The following GALNT10 variants were observed in gnomAD, a reference collection of about 807,000 sequenced individuals.
GALNT10 encodes the protein GalNAc transferase 10.
Under a neutral mutation model 75.0 loss-of-function variants are expected in GALNT10, and 41 were observed. The observed-to-expected ratio is 0.55, with a 90% CI of 0.43 to 0.71. The LOEUF is 0.71. Ranked by LOEUF, GALNT10 falls within the 30% of genes least tolerant of loss-of-function variation. The pLI, the probability that GALNT10 is intolerant of heterozygous loss-of-function variation, is 0.00. For missense variants in GALNT10, 727 were observed against 818.5 expected, an observed-to-expected ratio of 0.89 and a Z score of 1.36; for synonymous variants, 302 against 313.0, an observed-to-expected ratio of 0.96 and a Z score of 0.37.
At chr5:154,345,947 ATTT>A (rs70978537) in intron 4 of GALNT10, among the ~76,000 whole-genome samples, 1,303 of 65,504 alleles carry the variant, frequency 0.02, 38 homozygotes, top group African/African-American at 0.074. Context: ...CACCCGCCTA[ATTT>A]TTTTTTTTTT....
intron 1 of GALNT10, among the ~76,000 whole-genome samples, chr5:154,256,356 T>G (rs1460081482): frequency 6.6e-6 from 1 of 151,206 alleles, no homozygotes; most frequent in Non-Finnish European, 1.5e-5. Context: ...TGTTTTTGTT[T>G]TTTTTTTTTT....
rs1756547749 is a variant in GALNT10 at position 154,417,856 on chromosome 5, C to G, written c.*884C>G. 1 of 152,250 alleles carries G rather than the reference C, an allele frequency of 6.6e-6. No individual in the cohort carries two copies. The highest frequency in any genetic ancestry group is 1.5e-5 in the Non-Finnish European group (1 of 68,078). 9.4% of individuals were successfully genotyped at this position (152,250 alleles called of 1,614,324 possible). A position where few individuals can be genotyped will look rare whatever the true frequency, so the allele number is the denominator to read the frequency against. On this transcript the variant is annotated 3_prime_UTR_variant, in exon 12 of 12. Transcript: ENST00000297107. ...GATCCATGCTTCCATTTCCCTGTCT[C>G]TCTTCCCCAGGCAATTACTGGCCTC...
At chr5:154,399,249 A>G (rs1333234657) in intron 7 of GALNT10, among the ~76,000 whole-genome samples, 1 of 152,162 alleles carries the variant, frequency 6.6e-6, no homozygotes, top group African/African-American at 2.4e-5. Context: ...GATACAAAGG[A>G]CAAGTGACCT....
intron 1 of GALNT10, among the ~76,000 whole-genome samples, chr5:154,244,056 C>T (rs566724235): frequency 6.6e-6 from 1 of 152,246 alleles, no homozygotes; most frequent in African/African-American, 2.4e-5. Flanking sequence ...GAACCAGAGC[C>T]CAGGGCTCGG....
chr5:154,368,170 C>A (rs541098665), intron 4 of GALNT10, among the ~76,000 whole-genome samples: 2 of 152,144 alleles, frequency 1.3e-5, no homozygotes, highest in Non-Finnish European at 1.5e-5. Flanking sequence ...TACTAAATTC[C>A]CAAATAATGC....
At chr5:154,232,040 G>A (rs539919640) in intron 1 of GALNT10, among the ~76,000 whole-genome samples, 3 of 152,320 alleles carry the variant, frequency 2.0e-5, no homozygotes, top group South Asian at 4.1e-4. Flanking sequence ...GAGAGAGCCA[G>A]GAGCTCAGCA....
chr5:154,285,865 T>G (rs1259696009), intron 1 of GALNT10, among the ~76,000 whole-genome samples: 3 of 152,106 alleles, frequency 2.0e-5, no homozygotes, highest in Non-Finnish European at 4.4e-5. Flanking sequence ...CTACCAGACT[T>G]TCCCTGCTTC....
intron 1 of GALNT10, among the ~76,000 whole-genome samples, chr5:154,258,233 A>C (rs1753645490): frequency 1.3e-5 from 2 of 152,198 alleles, no homozygotes; most frequent in East Asian, 3.9e-4. Flanking sequence ...AGAGAAAAGT[A>C]GACCCAGAAT....
At chr5:154,206,060 A>G (rs1259731458) in intron 1 of GALNT10, among the ~76,000 whole-genome samples, 2 of 152,202 alleles carry the variant, frequency 1.3e-5, no homozygotes, top group Non-Finnish European at 2.9e-5. Context: ...TCTGTATGTT[A>G]TATTTGTAGG....
intron 1 of GALNT10, among the ~76,000 whole-genome samples, chr5:154,206,530 C>T (rs60825187): frequency 0.031 from 4,664 of 152,264 alleles, 253 homozygotes; most frequent in African/African-American, 0.11. Flanking sequence ...GCCAGTGCTG[C>T]GGGAAGCCAA....
At chr5:154,240,863 T>C (rs181013838) in intron 1 of GALNT10, among the ~76,000 whole-genome samples, 482 of 152,310 alleles carry the variant, frequency 3.2e-3, no homozygotes, top group Non-Finnish European at 3.9e-3. Flanking sequence ...CCTGGCTGTG[T>C]GACCTGGGCA....
At chr5:154,415,014 T>G (rs1310126440) in intron 10 of GALNT10, among the ~76,000 whole-genome samples, 1 of 152,052 alleles carries the variant, frequency 6.6e-6, no homozygotes, top group Non-Finnish European at 1.5e-5. Flanking sequence ...TCCCAGCTAC[T>G]TGGGAAGCTG....
chr5:154,349,609 G>A (rs1252962592), intron 4 of GALNT10: 4 of 152,106 alleles, frequency 2.6e-5, no homozygotes, highest in Non-Finnish European at 5.9e-5. Context: ...AAAGAGGAGG[G>A]AACCAGCCTG....
intron 3 of GALNT10, among the ~76,000 whole-genome samples, chr5:154,326,886 G>A (rs1347750646): frequency 6.6e-6 from 1 of 151,976 alleles, no homozygotes; most frequent in Non-Finnish European, 1.5e-5. Context: ...TAACTTTTAT[G>A]GTATGTGAAT....
chr5:154,408,877 TAGC>T (rs1756337279), intron 8 of GALNT10, among the ~76,000 whole-genome samples: 1 of 152,136 alleles, frequency 6.6e-6, no homozygotes, highest in East Asian at 1.9e-4. Context: ...AAGTCCAAGG[TAGC>T]TCTAGCTTCA....
chr5:154,385,484 C>T (rs1755795696), intron 6 of GALNT10, among the ~76,000 whole-genome samples: 1 of 152,140 alleles, frequency 6.6e-6, no homozygotes, highest in South Asian at 2.1e-4. Context: ...ATTCCTTGAC[C>T]CTTGCCCCAG....
chr5:154,318,583 G>T (rs968829882), intron 3 of GALNT10, among the ~76,000 whole-genome samples: 2 of 152,114 alleles, frequency 1.3e-5, no homozygotes, highest in African/African-American at 2.4e-5. Flanking sequence ...TACATTGTAA[G>T]ATTATTTTGA....
Position 154,298,734 on chromosome 5 carries a change from T to G in GALNT10, c.401+655T>G, listed in dbSNP as rs1315780027. 1.3e-5 allele frequency among the ~76,000 whole-genome samples: 2 copies of G among 152,336 alleles called. No homozygotes were observed. Among genetic ancestry groups the G allele is most frequent in the South Asian group, 4.1e-4 (2 of 4,824 alleles). ...TCAATCAAAAACTATACTCTGGACCTTAAGTTATCCTGCCTCCCTGTACAT... is the reference window on the plus strand; with the variant it reads ...TCAATCAAAAACTATACTCTGGACCGTAAGTTATCCTGCCTCCCTGTACAT... On this transcript the variant is annotated intron_variant, in intron 3 of 11. Transcript: ENST00000297107. This position sits in a 1 kb window ranked among gnomAD's most constrained non-coding sequence, Gnocchi z 4.1.
rs1378307381 is a variant in GALNT10 at position 154,376,500 on chromosome 5, C to A, written c.754+38C>A. ...CTCCCACTTGGAGGGAGGCAAACTG[C>A]AATGAGCCAGTGCCAGTGGCCCCCT... is the stretch of plus-strand genomic sequence containing the variant. On this transcript the variant is annotated intron_variant, in intron 5 of 11. Transcript: ENST00000297107. This position sits in a 1 kb window ranked among gnomAD's most constrained non-coding sequence, Gnocchi z 4.1. The A allele has an allele frequency of 7.4e-6, 11 of 1,482,212 alleles. No homozygotes were observed. The highest frequency in any genetic ancestry group is 2.3e-5 in the East Asian group (1 of 43,036). The allele number at this position is 1,482,212 out of a possible 1,614,324, so 91.8% of individuals were successfully genotyped here. A position where few individuals can be genotyped will look rare whatever the true frequency, so the allele number is the denominator to read the frequency against.
Sources: gnomAD v4.1 joint callset for allele counts (sites outside exome capture counted in the v4.1 genomes callset) on GRCh38, gnomAD v4.1.1 for gene constraint, Gnocchi (gnomAD v3.1) non-coding constraint, MANE v1.5 for transcripts, NCBI Gene and HGNC (gene_info 2026-07-23, HGNC 2026-07-21) for gene names.